The following PCTP variants were observed in gnomAD, a reference collection of about 807,000 sequenced individuals.
The protein encoded by PCTP is phosphatidylcholine transfer protein.
A neutral mutation model predicts 31.0 loss-of-function variants in PCTP; 27 were observed. That is an observed-to-expected ratio of 0.87 (90% CI 0.64 to 1.20). The LOEUF is 1.20. Ranked by LOEUF, PCTP falls within the 50% of genes most tolerant of loss-of-function variation. The probability of loss-of-function intolerance (pLI) is 0.00; values close to 1 mark genes in which losing one functional copy is unlikely to be tolerated. For synonymous variants in PCTP, 108 were observed against 101.2 expected, an observed-to-expected ratio of 1.07 and a Z score of -0.40; for missense variants, 287 against 268.2, an observed-to-expected ratio of 1.07 and a Z score of -0.49.
downstream of PCTP, among the ~76,000 whole-genome samples, chr17:55,843,666 G>A (rs968894789): frequency 6.6e-6 from 1 of 152,078 alleles, no homozygotes; most frequent in Non-Finnish European, 1.5e-5. Flanking sequence ...CAAACCTCTC[G>A]CATGACTCTT....
At chr17:55,751,348 C>A in intron 1 of PCTP, 104 bp downstream of exon 1, 1 of 1,524,374 alleles carries the variant, frequency 6.6e-7, no homozygotes, top group South Asian at 1.2e-5. Flanking sequence ...AGGGGCGCGT[C>A]TTCTCCGGCT....
At chr17:55,786,396 T>A (rs543377815) in intron 2 of PCTP, among the ~76,000 whole-genome samples, 2 of 152,204 alleles carry the variant, frequency 1.3e-5, no homozygotes, top group East Asian at 3.8e-4. Flanking sequence ...AGATACCTAA[T>A]GTAAATGATG....
intron 5 of PCTP, among the ~76,000 whole-genome samples, chr17:55,840,596 C>T (rs776446387): frequency 5.3e-5 from 8 of 152,068 alleles, no homozygotes; most frequent in Non-Finnish European, 7.3e-5. Flanking sequence ...AGAGAGACAG[C>T]GCAAGAGTGA....
At chr17:55,761,861 GTCT>G (rs1597975574) in intron 1 of PCTP, among the ~76,000 whole-genome samples, 1 of 152,098 alleles carries the variant, frequency 6.6e-6, no homozygotes, top group East Asian at 1.9e-4. Context: ...ATATTCATAA[GTCT>G]TACCAGCACT....
At chr17:55,796,225 A>T (rs1912183590) in intron 3 of PCTP, among the ~76,000 whole-genome samples, 1 of 152,034 alleles carries the variant, frequency 6.6e-6, no homozygotes, top group African/African-American at 2.4e-5. Flanking sequence ...TGAAAGGCAT[A>T]ATACACTCAA....
At chr17:55,828,978 C>A (rs1905503451) in intron 5 of PCTP, among the ~76,000 whole-genome samples, 1 of 151,992 alleles carries the variant, frequency 6.6e-6, no homozygotes, top group Non-Finnish European at 1.5e-5. Context: ...GGAAGAGATG[C>A]AGAAGGAGAA....
At chr17:55,803,772 G>A (rs892423296) in intron 3 of PCTP, among the ~76,000 whole-genome samples, 3 of 151,986 alleles carry the variant, frequency 2.0e-5, no homozygotes, top group Non-Finnish European at 4.4e-5. Flanking sequence ...AGAATACCTA[G>A]GCAATATCAT....
chr17:55,802,188 G>C (rs992455715), intron 3 of PCTP, among the ~76,000 whole-genome samples: 17 of 152,104 alleles, frequency 1.1e-4, no homozygotes, highest in African/African-American at 4.1e-4. Context: ...TCCCTGAATA[G>C]ACCAATAACA....
chr17:55,817,350 C>T (rs1230242292), intron 3 of PCTP, among the ~76,000 whole-genome samples: 3 of 152,224 alleles, frequency 2.0e-5, no homozygotes, highest in Non-Finnish European at 2.9e-5. Flanking sequence ...AGAGTTGCCA[C>T]AGAGTCCAGA....
the PCTP span, among the ~76,000 whole-genome samples, chr17:55,851,509 T>G: frequency 6.6e-6 from 1 of 152,184 alleles, no homozygotes; most frequent in African/African-American, 2.4e-5. Flanking sequence ...CAGCTTTCTT[T>G]TCTTTTCGTT....
chr17:55,771,662 A>G (rs1348859341), intron 3 of PCTP, among the ~76,000 whole-genome samples: 1 of 152,118 alleles, frequency 6.6e-6, no homozygotes, highest in Non-Finnish European at 1.5e-5. Flanking sequence ...AGTAGACCCC[A>G]CAGAAATCCC....
At chr17:55,839,830 G>A (rs1905905424) in intron 5 of PCTP, among the ~76,000 whole-genome samples, 1 of 142,336 alleles carries the variant, frequency 7.0e-6, no homozygotes, top group Non-Finnish European at 1.5e-5. Context: ...TGAGGCAGGA[G>A]AATGGCGTGA....
At chr17:55,804,442 T>C (rs951306469) in intron 3 of PCTP, among the ~76,000 whole-genome samples, 1 of 152,152 alleles carries the variant, frequency 6.6e-6, no homozygotes, top group African/African-American at 2.4e-5. Context: ...CTATCCACAA[T>C]AGCAAAGACT....
chr17:55,783,640 G>A (rs1015289564), intron 2 of PCTP, among the ~76,000 whole-genome samples: 4 of 152,196 alleles, frequency 2.6e-5, no homozygotes, highest in East Asian at 1.9e-4. Context: ...ACCAGTGAAT[G>A]TGGTGGTTCA....
chr17:55,774,740 AT>A (rs574920290), intron 4 of PCTP, 51 bp from the exon 5 acceptor site: 12 of 1,417,800 alleles, frequency 8.5e-6, no homozygotes, highest in South Asian at 1.1e-5. Context: ...TTGTTGCTAT[AT>A]TTTTCTGGTA....
intron 3 of PCTP, among the ~76,000 whole-genome samples, chr17:55,809,523 C>CCT (rs1555570159): frequency 3.0e-4 from 38 of 128,766 alleles, no homozygotes; most frequent in African/African-American, 1.2e-3. Flanking sequence ...TTCTCAGAGT[C>CCT]TTTTTTTTTT....
In PCTP at chr17:55,773,737, G is replaced by A. The variant is rs768268825; in HGVS notation, c.353G>A (p.Arg118Gln). Residue 118 changes from arginine to glutamine, a missense_variant, in exon 4 of 6, where the codon CGG becomes CAG. Arg to Gln is a conservative substitution (Grantham distance 43). Coordinates refer to ENST00000268896, the MANE Select transcript of PCTP (RefSeq NM_021213.4). Reference protein sequence around the residue: ...PMSNRDYVYLRQRRDLDMEGR... With the variant: ...PMSNRDYVYLQQRRDLDMEGR... The stretch of plus-strand genomic sequence containing the variant: ...CTGGCTATGCAGTATGTCTACCTTC[G>A]GCAGCGGCGAGACCTGGACATGGAA... 7.4e-6 allele frequency: 12 copies of A among 1,612,796 alleles called. No homozygotes were observed. The highest frequency in any genetic ancestry group is 6.7e-5 in the African/African-American group (5 of 74,852).
At chr17:55,830,266 G>A (rs1465722911) in intron 5 of PCTP, among the ~76,000 whole-genome samples, 1 of 152,158 alleles carries the variant, frequency 6.6e-6, no homozygotes, top group African/African-American at 2.4e-5. Flanking sequence ...AAACCGTAGA[G>A]TAGAAAGTTC....
downstream of PCTP, among the ~76,000 whole-genome samples, chr17:55,846,784 G>A (rs187548790): frequency 3.6e-4 from 55 of 152,242 alleles, no homozygotes; most frequent in Admixed American, 2.0e-3. Flanking sequence ...AAACCTCAGA[G>A]GTCACCTGAC....
Sources: gnomAD v4.1 joint callset for allele counts (sites outside exome capture counted in the v4.1 genomes callset) on GRCh38, gnomAD v4.1.1 for gene constraint, MANE v1.5 for transcripts, NCBI Gene and HGNC (gene_info 2026-07-23, HGNC 2026-07-21) for gene names.